The following CFAP47 variants were observed in gnomAD, a reference collection of about 807,000 sequenced individuals.
CFAP47 encodes the protein cilia and flagella associated protein 47.
CFAP47 carries 29 observed loss-of-function variants against 148.1 expected under a neutral mutation model. The ratio of observed to expected loss-of-function variants is 0.20; its 90% CI spans 0.15 to 0.27. The LOEUF (loss-of-function observed/expected upper bound fraction) is 0.27. CFAP47 is among the 10% of genes least tolerant of loss of function. CFAP47 has a pLI of 1.00. For synonymous variants in CFAP47, 664 were observed against 577.3 expected, an observed-to-expected ratio of 1.15 and a Z score of -2.15; for missense variants, 1,872 against 1,697.5, an observed-to-expected ratio of 1.10 and a Z score of -1.81.
chrX:36,052,869 A>G lies in CFAP47; in HGVS notation c.4217+5806A>G. Among the ~76,000 whole-genome samples, 3 of 112,267 alleles carry G rather than the reference A, an allele frequency of 2.7e-5. No individual in the cohort carries two copies. In the South Asian group the frequency reaches 1.1e-3, roughly 41 times the overall value. ...ATTTGGGTAGAGTGTGCTTGGCACC[A>G]TTGGGTCAGTCCCTAGTGCTTTAAA... On this transcript the variant is annotated intron_variant, in intron 26 of 63. Coordinates refer to ENST00000378653, the MANE Select transcript of CFAP47 (RefSeq NM_001304548.2).
intron 30 of CFAP47, among the ~76,000 whole-genome samples, chrX:36,088,295 A>G (rs1331874495): frequency 9.0e-6 from 1 of 111,343 alleles, no homozygotes; most frequent in Non-Finnish European, 1.9e-5. Context: ...TTTTGTATGG[A>G]TATATTTGCA....
chrX:36,116,422 C>T (rs1385047408), intron 33 of CFAP47, among the ~76,000 whole-genome samples: 1 of 111,843 alleles, frequency 8.9e-6, no homozygotes, highest in South Asian at 3.7e-4. Context: ...GGGTGTGGTT[C>T]GAATTTCAAT....
At chrX:35,972,368 T>A (rs751261773) in intron 13 of CFAP47, among the ~76,000 whole-genome samples, 139 of 110,699 alleles carry the variant, frequency 1.3e-3, no homozygotes, top group African/African-American at 4.5e-3. Context: ...TAGCTGGGAT[T>A]ACAGGTGCAG....
At chrX:36,361,984 A>G (rs1198477651) in intron 61 of CFAP47, among the ~76,000 whole-genome samples, 3 of 111,633 alleles carry the variant, frequency 2.7e-5, no homozygotes, top group African/African-American at 9.8e-5. Context: ...GGTGGCCTTT[A>G]GATGTCTGTC....
At position 35,962,926 on chromosome X, in the gene CFAP47, G is replaced by GGTGTGTGT. The variant is rs59734260; in HGVS notation, c.1411-3600_1411-3593dup. On this transcript the variant is annotated intron_variant, in intron 8 of 63. Coordinates refer to ENST00000378653, the MANE Select transcript of CFAP47 (RefSeq NM_001304548.2). Reference sequence around the variant, plus strand: ...CATTCCCCTTGGATAAATAAAATGTGGTGTGTGTGTGTGTGTGTGTGTGTG... The same window carrying GGTGTGTGT: ...CATTCCCCTTGGATAAATAAAATGTGGTGTGTGTGTGTGTGTGTGTGTGTGTGTGTGTG... 2.3e-4 allele frequency among the ~76,000 whole-genome samples: 21 copies of GGTGTGTGT among 90,773 alleles called. No homozygotes were observed. In the East Asian group the frequency reaches 3.5e-3, roughly 15 times the overall value. 78.8% of individuals were successfully genotyped at this position (90,773 alleles called of 115,157 possible). A position where few individuals can be genotyped will look rare whatever the true frequency, so the allele number is the denominator to read the frequency against.
At chrX:36,043,937 C>T (rs1221930817) in intron 25 of CFAP47, among the ~76,000 whole-genome samples, 1 of 113,094 alleles carries the variant, frequency 8.8e-6, no homozygotes, top group African/African-American at 3.2e-5. Context: ...TGTTTCCATA[C>T]ATCCTCTGAA....
intron 1 of CFAP47, 55 bp from the exon 2 acceptor site, chrX:35,925,960 ATT>A: frequency 8.8e-6 from 8 of 908,608 alleles, no homozygotes; most frequent in Non-Finnish European, 1.1e-5. Flanking sequence ...CAGCCATGGT[ATT>A]TTTTTTTTAT....
Position 36,299,138 on chromosome X carries a change from C to G in CFAP47, c.7848C>G (p.Gly2616=), listed in dbSNP as rs981370706. 12 of 1,047,229 alleles carry G rather than the reference C, an allele frequency of 1.1e-5. No individual in the cohort carries two copies. The Admixed American group carries it at 1.6e-4, about 14-fold the overall frequency. 86.3% of individuals were successfully genotyped at this position (1,047,229 alleles called of 1,213,427 possible). A position where few individuals can be genotyped will look rare whatever the true frequency, so the allele number is the denominator to read the frequency against. Residue 2616 remains glycine, a synonymous_variant, in exon 52 of 64, where the codon GGC becomes GGG. Coordinates refer to ENST00000378653, the MANE Select transcript of CFAP47 (RefSeq NM_001304548.2). ...YIVWYSPATT[G]YSDESIIFQP... ...TATGGTATTCTCCAGCAACTACAGGCTACAGCGATGAAAGGTATGGTTTGA... is the reference window on the plus strand; with the variant it reads ...TATGGTATTCTCCAGCAACTACAGGGTACAGCGATGAAAGGTATGGTTTGA...
At chrX:36,304,062 G>C in intron 54 of CFAP47, 102 bp downstream of exon 54, 2 of 416,754 alleles carry the variant, frequency 4.8e-6, no homozygotes, top group Non-Finnish European at 8.2e-6. Context: ...TTATTACTAA[G>C]GATTTAAATT....
At chrX:36,354,862 AAAAAT>A (rs1415643434) in intron 60 of CFAP47, among the ~76,000 whole-genome samples, 1 of 110,848 alleles carries the variant, frequency 9.0e-6, no homozygotes, top group Non-Finnish European at 1.9e-5. Flanking sequence ...AAGCACAGAC[AAAAAT>A]AAAATAAAAT....
chrX:36,370,166 A>G (rs1364914258), intron 62 of CFAP47, among the ~76,000 whole-genome samples: 1 of 111,007 alleles, frequency 9.0e-6, no homozygotes, highest in Non-Finnish European at 1.9e-5. Flanking sequence ...TTTGTTACAT[A>G]GATATACATG....
intron 37 of CFAP47, among the ~76,000 whole-genome samples, chrX:36,154,306 A>G (rs1380667604): frequency 2.7e-5 from 3 of 111,930 alleles, no homozygotes; most frequent in Non-Finnish European, 3.8e-5. Context: ...AATCACTCAC[A>G]AGTTCTACCT....
At chrX:36,231,127 G>GT (rs1431249144) in intron 46 of CFAP47, among the ~76,000 whole-genome samples, 2 of 110,197 alleles carry the variant, frequency 1.8e-5, no homozygotes, top group Admixed American at 9.7e-5. Flanking sequence ...CTTTAAAGTA[G>GT]TTTTTTTCCA....
chrX:35,962,726 T>C (rs1215351990), intron 8 of CFAP47, among the ~76,000 whole-genome samples: 1 of 111,102 alleles, frequency 9.0e-6, no homozygotes, highest in African/African-American at 3.3e-5. Context: ...GGGAAATATG[T>C]AGATTATGTG....
rs146863941 is a variant in CFAP47, at chrX:36,088,599, G to C, written c.4916+3061G>C. Among the ~76,000 whole-genome samples, 10 of 110,825 alleles carry C rather than the reference G, an allele frequency of 9.0e-5. No homozygotes were observed. In the East Asian group the frequency reaches 2.9e-3, roughly 32 times the overall value. Reference sequence around the variant, plus strand: ...GATGGCCATCTACAAGCCAGGAAAAGAGGCCTCACCTAGAACCAAATTTTT... The same window carrying C: ...GATGGCCATCTACAAGCCAGGAAAACAGGCCTCACCTAGAACCAAATTTTT... On this transcript the variant is annotated intron_variant, in intron 30 of 63. Transcript: ENST00000378653.
chrX:36,374,887 C>T (rs977619331), intron 62 of CFAP47: 221 of 847,691 alleles, frequency 2.6e-4, no homozygotes, highest in Non-Finnish European at 3.5e-4. Context: ...TATAATGAAA[C>T]CAAACTGGCA....
chrX:36,128,011 T>G (rs754307102), intron 33 of CFAP47, among the ~76,000 whole-genome samples: 1 of 111,198 alleles, frequency 9.0e-6, no homozygotes, highest in South Asian at 3.8e-4. Context: ...GATGGGGTTT[T>G]CTAAATGTAG....
At chrX:36,280,037 T>C (rs1239270251) in intron 49 of CFAP47, among the ~76,000 whole-genome samples, 3 of 110,745 alleles carry the variant, frequency 2.7e-5, no homozygotes, top group Non-Finnish European at 5.7e-5. Context: ...ATGTTTAACA[T>C]TTTATATATT....
intron 21 of CFAP47, among the ~76,000 whole-genome samples, chrX:36,003,689 G>T (rs1244483690): frequency 9.1e-6 from 1 of 110,339 alleles, no homozygotes; most frequent in Non-Finnish European, 1.9e-5. Flanking sequence ...GCAAAAGCTG[G>T]AAGTGTGACC....
Sources: allele counts gnomAD v4.1 joint callset (sites outside exome capture counted in the v4.1 genomes callset), GRCh38; gene constraint gnomAD v4.1.1; transcripts MANE v1.5; gene names NCBI Gene and HGNC (gene_info 2026-07-23, HGNC 2026-07-21).